Variants in ZNRF3 observed in about 807,000 individuals in gnomAD.
ZNRF3 encodes E3 ubiquitin-protein ligase ZNRF3.
In ZNRF3, 23 loss-of-function variants were observed where a neutral mutation model predicts 72.5. That is an observed-to-expected ratio of 0.32 (90% CI 0.23 to 0.45). The LOEUF (loss-of-function observed/expected upper bound fraction) is 0.45, where lower values mean the gene tolerates loss of function less well. Ranked by LOEUF, ZNRF3 falls within the 20% of genes least tolerant of loss-of-function variation. ZNRF3 has a pLI of 1.00. For missense variants in ZNRF3, 1,169 were observed against 1,272.1 expected (o/e 0.92, Z 1.23); for synonymous variants, 610 against 545.3 (o/e 1.12, Z -1.65).
intron 2 of ZNRF3, among the ~76,000 whole-genome samples, chr22:28,994,307 C>T (rs1327625417): frequency 1.3e-5 from 2 of 150,704 alleles, no homozygotes; most frequent in Non-Finnish European, 2.9e-5. Flanking sequence ...CTGCCTCAGC[C>T]TCCTGAGTAG....
intron 2 of ZNRF3, chr22:29,031,064 C>T (rs2036741395): frequency 6.5e-6 from 1 of 153,078 alleles, no homozygotes; most frequent in Non-Finnish European, 1.5e-5. Flanking sequence ...GCCGCTGCCC[C>T]TGCCCCTGCC....
chr22:28,899,175 A>G lies in ZNRF3; in HGVS notation c.300+15109A>G, dbSNP rs145727964. On this transcript the variant is annotated intron_variant, in intron 1 of 8. Coordinates refer to ENST00000544604, the MANE Select transcript of ZNRF3 (RefSeq NM_001206998.2). ...TTGAAGTTTTGGTGTTATTAGGCTT[A>G]AATCTCTAGGACACATATAAACACA... Among the ~76,000 whole-genome samples, 97 of 152,294 alleles carry G rather than the reference A, an allele frequency of 6.4e-4. No homozygotes were observed. The East Asian group carries it at 0.015, about 24-fold the overall frequency.
chr22:28,899,057 T>C (rs2034056902), intron 1 of ZNRF3, among the ~76,000 whole-genome samples: 1 of 152,006 alleles, frequency 6.6e-6, no homozygotes, highest in Admixed American at 6.6e-5. Context: ...GTTTTCAGGC[T>C]GCCTTTTCAT....
At chr22:28,990,303 T>C (rs1049980241) in intron 2 of ZNRF3, among the ~76,000 whole-genome samples, 22 of 152,364 alleles carry the variant, frequency 1.4e-4, no homozygotes, top group Non-Finnish European at 2.8e-4. Context: ...AGTTACAGCA[T>C]TGAAAAACAG....
intron 5 of ZNRF3, among the ~76,000 whole-genome samples, chr22:29,045,449 G>A (rs1378353669): frequency 6.6e-6 from 1 of 151,604 alleles, no homozygotes; most frequent in Non-Finnish European, 1.5e-5. Context: ...GTTAAGCATT[G>A]GGAATATCTC....
Position 29,049,073 on chromosome 22 carries a change from G to A in ZNRF3, c.1016-124G>A. ...GCTCAGTTTGGGGGCAGGGTTGTGA[G>A]AATGGGTACCTTGGCAGGTGACCAA... On this transcript the variant is annotated intron_variant, in intron 7 of 8. Transcript: ENST00000544604. The surrounding 1 kb of genome is among the most constrained non-coding windows in gnomAD (Gnocchi z 5.2). 8.9e-7 allele frequency: 1 copy of A among 1,122,636 alleles called. No homozygotes were observed. The allele number at this position is 1,122,636 out of a possible 1,614,324, so 69.5% of individuals were successfully genotyped here.
intron 1 of ZNRF3, among the ~76,000 whole-genome samples, chr22:28,946,169 A>C (rs951115218): frequency 6.6e-6 from 1 of 152,206 alleles, no homozygotes; most frequent in Non-Finnish European, 1.5e-5. Flanking sequence ...CCCAGCCTGT[A>C]GTTTTATAAG....
chr22:28,934,599 C>T (rs1339927112), intron 1 of ZNRF3, among the ~76,000 whole-genome samples: 1 of 152,094 alleles, frequency 6.6e-6, no homozygotes, highest in Non-Finnish European at 1.5e-5. Context: ...AGGCAGATCA[C>T]TTGGGGTCAG....
intron 1 of ZNRF3, among the ~76,000 whole-genome samples, chr22:28,944,754 CA>C (rs35578297): frequency 0.74 from 65,660 of 88,202 alleles, 23,626 homozygotes; most frequent in Middle Eastern, 0.9. Flanking sequence ...GACTCCATCT[CA>C]AAAAAAAAAA....
intron 2 of ZNRF3, among the ~76,000 whole-genome samples, chr22:28,997,997 A>G (rs1051094883): frequency 1.3e-5 from 2 of 150,806 alleles, no homozygotes; most frequent in Non-Finnish European, 3.0e-5. Context: ...TTAAAAAAAA[A>G]AAAAAAAAAA....
chr22:28,897,754 T>C (rs2034025057), intron 1 of ZNRF3, among the ~76,000 whole-genome samples: 1 of 152,230 alleles, frequency 6.6e-6, no homozygotes, highest in Non-Finnish European at 1.5e-5. Flanking sequence ...GTCCTTCCCA[T>C]GAAGCTTTTT....
At chr22:29,016,125 GC>G (rs2036431740) in intron 2 of ZNRF3, among the ~76,000 whole-genome samples, 1 of 151,966 alleles carries the variant, frequency 6.6e-6, no homozygotes, top group South Asian at 2.1e-4. Flanking sequence ...ACTAAATGAT[GC>G]CCCTGGTACT....
At chr22:28,910,846 C>G (rs1306772373) in intron 1 of ZNRF3, among the ~76,000 whole-genome samples, 1 of 152,192 alleles carries the variant, frequency 6.6e-6, no homozygotes, top group East Asian at 1.9e-4. Flanking sequence ...CTCCTGCTGG[C>G]TCTTGCTATG....
chr22:29,012,734 A>C (rs1014283921), intron 2 of ZNRF3, among the ~76,000 whole-genome samples: 2 of 152,172 alleles, frequency 1.3e-5, no homozygotes, highest in African/African-American at 4.8e-5. Context: ...TCTGAAGGGG[A>C]ATTACACATT....
At chr22:29,000,414 G>C (rs2036122018) in intron 2 of ZNRF3, among the ~76,000 whole-genome samples, 2 of 152,146 alleles carry the variant, frequency 1.3e-5, no homozygotes, top group Non-Finnish European at 2.9e-5. Context: ...TTGATTTTTA[G>C]AAGTTAAATT....
chr22:28,968,970 A>G (rs906759869), intron 1 of ZNRF3, among the ~76,000 whole-genome samples: 2 of 152,164 alleles, frequency 1.3e-5, no homozygotes, highest in African/African-American at 4.8e-5. Flanking sequence ...TGTCAGGACC[A>G]CCAGGACATA....
chr22:28,900,114 A>G (rs769174368), intron 1 of ZNRF3, among the ~76,000 whole-genome samples: 8 of 152,120 alleles, frequency 5.3e-5, no homozygotes, highest in Non-Finnish European at 8.8e-5. Context: ...GCCCTCTGGT[A>G]ACTAACCTAG....
intron 1 of ZNRF3, among the ~76,000 whole-genome samples, chr22:28,952,457 A>G (rs557587018): frequency 2.0e-5 from 3 of 151,186 alleles, no homozygotes; most frequent in South Asian, 4.2e-4. Flanking sequence ...TCAACAAAGA[A>G]CAGTTTCTTT....
At position 29,050,755 on chromosome 22, in the gene ZNRF3, G is replaced by A. The variant is rs887747228; in HGVS notation, c.2574G>A (p.Thr858=). 31 of 1,607,592 alleles carry A rather than the reference G, an allele frequency of 1.9e-5. No individual in the cohort carries two copies. Among genetic ancestry groups the A allele is most frequent in the South Asian group, 2.2e-5 (2 of 90,354 alleles). ...GTHSLGSWGG[T]RGPDTPRPHR... is the part of the protein sequence containing the mutation. ...ACAGCCTCGGCTCCTGGGGTGGGAC[G>A]CGAGGCCCGGATACCCCACGGCCCC... is the stretch of plus-strand genomic sequence containing the variant. The change falls in exon 8 of 9, where the codon ACG becomes ACA. Residue 858 remains threonine, a synonymous_variant. Coordinates refer to ENST00000544604, the MANE Select transcript of ZNRF3 (RefSeq NM_001206998.2).
Sources: gnomAD v4.1 joint callset for allele counts (sites outside exome capture counted in the v4.1 genomes callset) on GRCh38, gnomAD v4.1.1 for gene constraint, Gnocchi (gnomAD v3.1) non-coding constraint, MANE v1.5 for transcripts, NCBI Gene and HGNC (gene_info 2026-07-23, HGNC 2026-07-21) for gene names.